The following RGS12 variants were observed in gnomAD, a reference collection of about 807,000 sequenced individuals.
RGS12 encodes regulator of G-protein signaling 12.
In RGS12, 66 loss-of-function variants were observed where a neutral mutation model predicts 120.1. The ratio of observed to expected loss-of-function variants is 0.55; its 90% CI spans 0.45 to 0.67. RGS12 has a LOEUF of 0.67. RGS12 is among the 30% of genes least tolerant of loss of function. RGS12 has a pLI of 0.00. For synonymous variants in RGS12, 827 were observed against 804.7 expected (o/e 1.03, Z -0.47); for missense variants, 1,859 against 1,957.7 (o/e 0.95, Z 0.95).
At chr4:3,318,357 A>G (rs903353464) in intron 2 of RGS12, among the ~76,000 whole-genome samples, 6 of 152,066 alleles carry the variant, frequency 3.9e-5, no homozygotes, top group Non-Finnish European at 8.8e-5. Context: ...AGCTCAGGAT[A>G]AGGCCCTTCC....
chr4:3,318,721 C>T (rs918129885), intron 2 of RGS12, among the ~76,000 whole-genome samples: 1 of 152,190 alleles, frequency 6.6e-6, no homozygotes, highest in Non-Finnish European at 1.5e-5. Context: ...AGCTGGGAAC[C>T]CTCTGGAAGG....
At chr4:3,404,710 G>A (rs1374071257) in intron 4 of RGS12, among the ~76,000 whole-genome samples, 2 of 152,216 alleles carry the variant, frequency 1.3e-5, no homozygotes, top group African/African-American at 4.8e-5. Flanking sequence ...CAGTGTGTGC[G>A]TGTGCATCCA....
At chr4:3,312,880 G>A in intron 1 of RGS12, 1 of 168,620 alleles carries the variant, frequency 5.9e-6, no homozygotes. Context: ...TTTTATATTA[G>A]ATACGTGACT....
intron 2 of RGS12, among the ~76,000 whole-genome samples, chr4:3,321,698 G>A (rs1473718497): frequency 3.3e-5 from 5 of 152,218 alleles, no homozygotes; most frequent in African/African-American, 1.2e-4. Context: ...GGCCTGGACA[G>A]CCACGTCAGC....
intron 4 of RGS12, among the ~76,000 whole-genome samples, chr4:3,409,991 G>T (rs1279291442): frequency 1.3e-5 from 2 of 152,194 alleles, no homozygotes; most frequent in African/African-American, 2.4e-5. Flanking sequence ...GCCCAGCTCA[G>T]CGTGGCTTGT....
intron 2 of RGS12, among the ~76,000 whole-genome samples, chr4:3,326,573 G>C (rs537575055): frequency 2.0e-5 from 3 of 152,286 alleles, no homozygotes; most frequent in Non-Finnish European, 4.4e-5. Context: ...AAAACCTAAA[G>C]ACTTGACTGA....
intron 2 of RGS12, among the ~76,000 whole-genome samples, chr4:3,337,129 G>A (rs931313197): frequency 2.0e-5 from 3 of 152,144 alleles, no homozygotes; most frequent in Admixed American, 6.5e-5. Flanking sequence ...TTAGGCCAGC[G>A]CCAACTAAAC....
chr4:3,335,033 A>G (rs1712292054), intron 2 of RGS12, among the ~76,000 whole-genome samples: 5 of 152,176 alleles, frequency 3.3e-5, no homozygotes, highest in Admixed American at 3.3e-4. Context: ...ACCGGTGAAG[A>G]AATTATGTGC....
chr4:3,348,343 G>A (rs950525333), intron 3 of RGS12, among the ~76,000 whole-genome samples: 2 of 152,094 alleles, frequency 1.3e-5, no homozygotes, highest in Non-Finnish European at 2.9e-5. Context: ...GACAACACAG[G>A]AAATTATCTT....
At chr4:3,421,464 G>C (rs1316097729) in intron 10 of RGS12, among the ~76,000 whole-genome samples, 1 of 152,228 alleles carries the variant, frequency 6.6e-6, no homozygotes, top group African/African-American at 2.4e-5. Context: ...TCAGAGGCTG[G>C]AAACAATTAC....
chr4:3,380,531 G>C (rs1449791682), intron 3 of RGS12, among the ~76,000 whole-genome samples: 1 of 152,186 alleles, frequency 6.6e-6, no homozygotes, highest in African/African-American at 2.4e-5. Context: ...CCCCACCCCT[G>C]CAGCTAACTT....
intron 2 of RGS12, among the ~76,000 whole-genome samples, chr4:3,328,132 T>A (rs1452293925): frequency 6.6e-6 from 1 of 152,138 alleles, no homozygotes; most frequent in Non-Finnish European, 1.5e-5. Flanking sequence ...GTGAAACAAG[T>A]CAGATACAGA....
At chr4:3,397,092 G>C (rs1720116225) in intron 4 of RGS12, among the ~76,000 whole-genome samples, 1 of 152,130 alleles carries the variant, frequency 6.6e-6, no homozygotes, top group Admixed American at 6.6e-5. Context: ...TCTAACACCA[G>C]CATTAATGGA....
chr4:3,389,222 G>GTTTGTAGCCAATGAGT lies in RGS12; in HGVS notation c.2020+2785_2020+2786insTTTGTAGCCAATGAGT, dbSNP rs1719204411. Among the ~76,000 whole-genome samples the GTTTGTAGCCAATGAGT allele has an allele frequency of 6.6e-6, 1 of 152,056 alleles. No individual in the cohort carries two copies. The highest frequency in any genetic ancestry group is 2.1e-4 in the South Asian group (1 of 4,816). ...TTTTTTCACTTTTTCAGAAGAAAGGGGCTGATAATGGCCACCCGTTTGTAG... is the reference window on the plus strand; with the variant it reads ...TTTTTTCACTTTTTCAGAAGAAAGGGTTTGTAGCCAATGAGTGCTGATAATGGCCACCCGTTTGTAG... On this transcript the variant is annotated intron_variant, in intron 4 of 17. Transcript: ENST00000336727. This position sits in a 1 kb window ranked among gnomAD's most constrained non-coding sequence, Gnocchi z 5.2.
In RGS12 at chr4:3,394,312, A is replaced by G. The variant is rs191379301; in HGVS notation, c.2020+7875A>G. Among the ~76,000 whole-genome samples the G allele has an allele frequency of 1.8e-4, 28 of 152,144 alleles. 1 individual carries two copies. The East Asian group carries it at 3.7e-3, about 20-fold the overall frequency. ...CAAGTAGCTGGTATTGCAGATGTAC[A>G]CCACCACGCCTGGCTAATTTTTGTA... On this transcript the variant is annotated intron_variant, in intron 4 of 17. Coordinates refer to ENST00000336727, the MANE Select transcript of RGS12 (RefSeq NM_001394154.1).
intron 13 of RGS12, among the ~76,000 whole-genome samples, chr4:3,424,526 G>A (rs1363194707): frequency 2.0e-5 from 3 of 152,208 alleles, no homozygotes; most frequent in East Asian, 3.8e-4. Context: ...GAGACGCTGC[G>A]CAATTGTTTA....
At chr4:3,296,336 C>T (rs1412756810) in intron 1 of RGS12, among the ~76,000 whole-genome samples, 1 of 151,968 alleles carries the variant, frequency 6.6e-6, no homozygotes, top group Non-Finnish European at 1.5e-5. Context: ...CATGTGCCAC[C>T]ATGCCCAGCT....
chr4:3,396,192 C>A (rs1720034279), intron 4 of RGS12, among the ~76,000 whole-genome samples: 1 of 151,916 alleles, frequency 6.6e-6, no homozygotes, highest in Admixed American at 6.6e-5. Context: ...ATTAGATATA[C>A]CTTGTGTTTT....
chr4:3,324,562 A>AG (rs1443980301), intron 2 of RGS12: 2 of 158,280 alleles, frequency 1.3e-5, no homozygotes, highest in African/African-American at 4.8e-5. Context: ...CCATTCATGG[A>AG]GGATGGCCCT....
Sources: gnomAD v4.1 joint callset for allele counts (sites outside exome capture counted in the v4.1 genomes callset) on GRCh38, gnomAD v4.1.1 for gene constraint, Gnocchi (gnomAD v3.1) non-coding constraint, MANE v1.5 for transcripts, NCBI Gene and HGNC (gene_info 2026-07-23, HGNC 2026-07-21) for gene names.